H2BC9: variants seen among roughly 807,000 people sequenced by gnomAD.
The protein encoded by H2BC9 is H2B clustered histone 9, also known as histone H2B type 1-H.
In H2BC9, 11 loss-of-function variants were observed where a neutral mutation model predicts 5.8. The observed-to-expected ratio is 1.89, with a 90% confidence interval of 1.19 to 3.12. The LOEUF (loss-of-function observed/expected upper bound fraction) is 3.12, where lower values mean the gene tolerates loss of function less well. H2BC9 is among the 30% of genes most tolerant of loss of function. The pLI, the probability that H2BC9 is intolerant of heterozygous loss-of-function variation, is 0.00. For synonymous variants in H2BC9, 136 were observed against 72.2 expected (o/e 1.88, Z -4.48); for missense variants, 219 against 167.8 (o/e 1.30, Z -1.68).
In H2BC9 at chr6:26,252,072, C is replaced by G. The variant is rs1185708996; in HGVS notation, c.*41C>G. 6 of 1,609,560 alleles carry G rather than the reference C, an allele frequency of 3.7e-6. No homozygotes were observed. The Admixed American group carries it at 1.0e-4, about 28-fold the overall frequency. On this transcript the variant is annotated 3_prime_UTR_variant, in exon 1 of 1. Transcript: ENST00000619466. ...AACCCAAAGGCTCTTTTCAGAGCCA[C>G]TTAATGATTTCAATTAAGAGTTTTA...
chr6:26,252,041 T>C lies in H2BC9; in HGVS notation c.*10T>C, dbSNP rs1474823190. On this transcript the variant is annotated 3_prime_UTR_variant, in exon 1 of 1. Transcript: ENST00000619466. ...CACCAGCTCCAAATAAATGGACGCA[T>C]GTTCAAACCCAAAGGCTCTTTTCAG... is the stretch of plus-strand genomic sequence containing the variant. 4.3e-6 allele frequency: 7 copies of C among 1,614,012 alleles called. No homozygotes were observed. In the South Asian group the frequency reaches 7.7e-5, roughly 18 times the overall value.
In H2BC9 at chr6:26,251,783, G is replaced by A. The variant is rs774570728; in HGVS notation, c.133G>A (p.Val45Met). ...KESYSVYVYK[V>M]LKQVHPDTGI... is the part of the protein sequence containing the mutation. ...GAGCTACTCCGTATACGTTTACAAG[G>A]TGCTGAAGCAAGTCCACCCCGACAC... is the stretch of plus-strand genomic sequence containing the variant. The change falls in exon 1 of 1, where the codon GTG becomes ATG. Residue 45 changes from valine (V) to methionine (M), a missense_variant. Transcript: ENST00000619466. 1.9e-6 allele frequency: 3 copies of A among 1,614,216 alleles called. No individual in the cohort carries two copies. The highest frequency in any genetic ancestry group is 1.7e-6 in the Non-Finnish European group (2 of 1,180,036).
rs1561759740 is a variant in H2BC9 at position 26,251,740 on chromosome 6, T to A, written c.90T>A (p.Arg30=). Residue 30 remains arginine (R), a synonymous_variant, in exon 1 of 1, where the codon CGT becomes CGA. Coordinates refer to ENST00000619466, the MANE Select transcript of H2BC9 (RefSeq NM_003524.3). ...CGCAGAAGAAGGATGGCAAGAAGCGTAAACGCAGCCGCAAGGAGAGCTACT... is the reference window on the plus strand; with the variant it reads ...CGCAGAAGAAGGATGGCAAGAAGCGAAAACGCAGCCGCAAGGAGAGCTACT... ...TKAQKKDGKK[R]KRSRKESYSV... The A allele has an allele frequency of 6.2e-7, 1 of 1,614,198 alleles. No homozygotes were observed. The highest frequency in any genetic ancestry group is 1.1e-5 in the South Asian group (1 of 91,082).
In H2BC9 at chr6:26,251,720, A is replaced by G; in HGVS notation, c.70A>G (p.Lys24Glu). The G allele has an allele frequency of 1.9e-6, 3 of 1,614,100 alleles. No individual in the cohort carries two copies. Among genetic ancestry groups the G allele is most frequent in the Non-Finnish European group, 2.5e-6 (3 of 1,179,958 alleles). Residue 24 changes from lysine (K) to glutamate (E), a missense_variant, in exon 1 of 1, where the codon AAG becomes GAG. By Grantham distance (56) the Lys-to-Glu change is moderately conservative (BLOSUM62 1). Coordinates refer to ENST00000619466, the MANE Select transcript of H2BC9 (RefSeq NM_003524.3). Reference sequence around the variant, plus strand: ...CAAGAAGGCGGTGACCAAGGCGCAGAAGAAGGATGGCAAGAAGCGTAAACG... The same window carrying G: ...CAAGAAGGCGGTGACCAAGGCGCAGGAGAAGGATGGCAAGAAGCGTAAACG... ...GSKKAVTKAQKKDGKKRKRSR... is the reference protein window; with the variant it reads ...GSKKAVTKAQEKDGKKRKRSR...
rs1319613952 is a variant in H2BC9 at position 26,251,730 on chromosome 6, G to C, written c.80G>C (p.Gly27Ala). The change falls in exon 1 of 1, where the codon GGC (glycine) becomes GCC (alanine). Residue 27 changes from glycine (G) to alanine (A), a missense_variant. Transcript: ENST00000619466. ...GTGACCAAGGCGCAGAAGAAGGATG[G>C]CAAGAAGCGTAAACGCAGCCGCAAG... ...KAVTKAQKKD[G>A]KKRKRSRKES... 1 of 1,614,194 alleles carries C rather than the reference G, an allele frequency of 6.2e-7. No individual in the cohort carries two copies. Among genetic ancestry groups the C allele is most frequent in the African/African-American group, 1.3e-5 (1 of 75,056 alleles).
chr6:26,251,657 G>C lies in H2BC9; in HGVS notation c.7G>C (p.Asp3His), dbSNP rs1234401469. The C allele has an allele frequency of 6.2e-7, 1 of 1,614,048 alleles. No individual in the cohort carries two copies. Among genetic ancestry groups the C allele is most frequent in the South Asian group, 1.1e-5 (1 of 91,078 alleles). The change falls in exon 1 of 1, where the codon GAT becomes CAT. Residue 3 changes from aspartate to histidine, a missense_variant. Coordinates refer to ENST00000619466, the MANE Select transcript of H2BC9 (RefSeq NM_003524.3). ...ACTCCTTTATCTTGTTGCAATGCCT[G>C]ATCCAGCTAAGTCCGCTCCCGCCCC... is the stretch of plus-strand genomic sequence containing the variant. Reference protein sequence around the residue: MPDPAKSAPAPKK... With the variant: MPHPAKSAPAPKK...
rs1329404119 is a variant in H2BC9, at chr6:26,251,754, A to G, written c.104A>G (p.Lys35Arg). Residue 35 changes from lysine to arginine, a missense_variant, in exon 1 of 1, where the codon AAG becomes AGG. By Grantham distance (26) the Lys-to-Arg change is conservative (BLOSUM62 2). Transcript: ENST00000619466. ...GGCAAGAAGCGTAAACGCAGCCGCA[A>G]GGAGAGCTACTCCGTATACGTTTAC... ...KDGKKRKRSR[K>R]ESYSVYVYKV... is the part of the protein sequence containing the mutation. 3 of 1,614,120 alleles carry G rather than the reference A, an allele frequency of 1.9e-6. No homozygotes were observed. Among genetic ancestry groups the G allele is most frequent in the African/African-American group, 2.7e-5 (2 of 74,948 alleles).
rs1306879539 is a variant in H2BC9 at position 26,251,917 on chromosome 6, C to T, written c.267C>T (p.Thr89=). ...SRLAHYNKRS[T]ITSREIQTAV... ...TGGCTCATTACAACAAGCGTTCGAC[C>T]ATCACCTCCAGGGAGATCCAGACAG... The change falls in exon 1 of 1, where the codon ACC becomes ACT. Residue 89 remains threonine, a synonymous_variant. Coordinates refer to ENST00000619466, the MANE Select transcript of H2BC9 (RefSeq NM_003524.3). 1 of 1,614,088 alleles carries T rather than the reference C, an allele frequency of 6.2e-7. No homozygotes were observed. Among genetic ancestry groups the T allele is most frequent in the Non-Finnish European group, 8.5e-7 (1 of 1,180,046 alleles).
At position 26,251,983 on chromosome 6, in the gene H2BC9, C is replaced by T. The variant is rs763585323; in HGVS notation, c.333C>T (p.Ala111=). The part of the protein sequence containing the change: ...LLLPGELAKH[A]VSEGTKAVTK... The stretch of plus-strand genomic sequence containing the variant: ...TGCCTGGGGAACTGGCCAAGCACGC[C>T]GTGTCCGAGGGCACTAAGGCCGTCA... Residue 111 remains alanine, a synonymous_variant, in exon 1 of 1, where the codon GCC becomes GCT. Transcript: ENST00000619466. The T allele has an allele frequency of 2.5e-6, 4 of 1,614,216 alleles. No homozygotes were observed. The highest frequency in any genetic ancestry group is 2.2e-5 in the South Asian group (2 of 91,090).
rs1370771048 is a variant in H2BC9 at position 26,252,068 on chromosome 6, G to A, written c.*37G>A. 2.5e-6 allele frequency: 4 copies of A among 1,610,310 alleles called. No individual in the cohort carries two copies. The highest frequency in any genetic ancestry group is 3.4e-6 in the Non-Finnish European group (4 of 1,178,994). On this transcript the variant is annotated 3_prime_UTR_variant, in exon 1 of 1. Coordinates refer to ENST00000619466, the MANE Select transcript of H2BC9 (RefSeq NM_003524.3). ...TTCAAACCCAAAGGCTCTTTTCAGA[G>A]CCACTTAATGATTTCAATTAAGAGT...
Position 26,251,902 on chromosome 6 carries a change from C to A in H2BC9, c.252C>A (p.Tyr84Ter), listed in dbSNP as rs779642503. 2 of 1,614,122 alleles carry A rather than the reference C, an allele frequency of 1.2e-6. No homozygotes were observed. The highest frequency in any genetic ancestry group is 1.1e-5 in the South Asian group (1 of 91,094). ...GCGAGGCTTCCCGCCTGGCTCATTA[C>A]AACAAGCGTTCGACCATCACCTCCA... ...IAGEASRLAH[Y>*]NKRSTITSRE... Residue 84 changes from tyrosine (Y) to a stop codon, truncating the protein, a stop_gained, in exon 1 of 1, where the codon TAC becomes TAA. Coordinates refer to ENST00000619466, the MANE Select transcript of H2BC9 (RefSeq NM_003524.3). LOFTEE classifies it high-confidence loss of function.
Position 26,251,927 on chromosome 6 carries a change from A to G in H2BC9, c.277A>G (p.Arg93Gly), listed in dbSNP as rs1359780186. Residue 93 changes from arginine to glycine, a missense_variant, in exon 1 of 1, where the codon AGG becomes GGG. Transcript: ENST00000619466. ...CAACAAGCGTTCGACCATCACCTCC[A>G]GGGAGATCCAGACAGCCGTGCGCCT... The part of the protein sequence containing the change: ...HYNKRSTITS[R>G]EIQTAVRLLL... The G allele has an allele frequency of 1.9e-6, 3 of 1,614,204 alleles. No individual in the cohort carries two copies. Among genetic ancestry groups the G allele is most frequent in the Non-Finnish European group, 2.5e-6 (3 of 1,180,032 alleles).
In H2BC9 at chr6:26,251,848, T is replaced by TA. The variant is rs1466853341; in HGVS notation, c.198_199insA (p.Val67SerfsTer51). 1 of 1,614,090 alleles carries TA rather than the reference T, an allele frequency of 6.2e-7. No homozygotes were observed. The highest frequency in any genetic ancestry group is 2.2e-5 in the East Asian group (1 of 44,898). ...AAGCCATGGGGATCATGAATTCCTT[T>TA]GTCAACGATATCTTCGAGCGCATCG... On this transcript the variant is annotated frameshift_variant, in exon 1 of 1. Coordinates refer to ENST00000619466, the MANE Select transcript of H2BC9 (RefSeq NM_003524.3). LOFTEE classifies it high-confidence loss of function.
chr6:26,251,649 C>G lies in H2BC9; in HGVS notation c.-2C>G. Reference sequence around the variant, plus strand: ...GTATTCTTACTCCTTTATCTTGTTGCAATGCCTGATCCAGCTAAGTCCGCT... The same window carrying G: ...GTATTCTTACTCCTTTATCTTGTTGGAATGCCTGATCCAGCTAAGTCCGCT... On this transcript the variant is annotated 5_prime_UTR_variant, in exon 1 of 1. Coordinates refer to ENST00000619466, the MANE Select transcript of H2BC9 (RefSeq NM_003524.3). 2 of 1,614,044 alleles carry G rather than the reference C, an allele frequency of 1.2e-6. No individual in the cohort carries two copies. The highest frequency in any genetic ancestry group is 2.2e-5 in the East Asian group (1 of 44,882).
In H2BC9 at chr6:26,251,660, C is replaced by T. The variant is rs143443263; in HGVS notation, c.10C>T (p.Pro4Ser). The part of the protein sequence containing the change: MPD[P>S]AKSAPAPKKG... ...CCTTTATCTTGTTGCAATGCCTGAT[C>T]CAGCTAAGTCCGCTCCCGCCCCGAA... The change falls in exon 1 of 1, where the codon CCA becomes TCA. Residue 4 changes from proline to serine, a missense_variant. By Grantham distance (74) the Pro-to-Ser change is moderately conservative (BLOSUM62 -1). Coordinates refer to ENST00000619466, the MANE Select transcript of H2BC9 (RefSeq NM_003524.3). The T allele has an allele frequency of 3.1e-6, 5 of 1,613,946 alleles. 1 individual carries two copies. Among genetic ancestry groups the T allele is most frequent in the Non-Finnish European group, 4.2e-6 (5 of 1,180,038 alleles).
rs1219874152 is a variant in H2BC9 at position 26,251,767 on chromosome 6, C to T, written c.117C>T (p.Ser39=). 5 of 1,614,100 alleles carry T rather than the reference C, an allele frequency of 3.1e-6. No individual in the cohort carries two copies. Among genetic ancestry groups the T allele is most frequent in the East Asian group, 2.2e-5 (1 of 44,898 alleles). The change falls in exon 1 of 1, where the codon TCC becomes TCT. Residue 39 remains serine, a synonymous_variant. Transcript: ENST00000619466. The part of the protein sequence containing the change: ...KRKRSRKESY[S]VYVYKVLKQV... ...AACGCAGCCGCAAGGAGAGCTACTC[C>T]GTATACGTTTACAAGGTGCTGAAGC...
In H2BC9 at chr6:26,252,019, C is replaced by T. The variant is rs777633634; in HGVS notation, c.369C>T (p.Thr123=). ...GCACTAAGGCCGTCACCAAGTACAC[C>T]AGCTCCAAATAAATGGACGCATGTT... ...SEGTKAVTKY[T]SSK is the part of the protein sequence containing the mutation. Residue 123 remains threonine (T), a synonymous_variant, in exon 1 of 1, where the codon ACC becomes ACT. Transcript: ENST00000619466. The T allele has an allele frequency of 1.2e-6, 2 of 1,614,234 alleles. No individual in the cohort carries two copies.
At position 26,251,632 on chromosome 6, in the gene H2BC9, A is replaced by C. The variant is rs1420612175; in HGVS notation, c.-19A>C. 4 of 1,613,184 alleles carry C rather than the reference A, an allele frequency of 2.5e-6. No homozygotes were observed. The highest frequency in any genetic ancestry group is 2.5e-6 in the Non-Finnish European group (3 of 1,179,820). On this transcript the variant is annotated 5_prime_UTR_variant, in exon 1 of 1. Transcript: ENST00000619466. ...AGCCTTCACTTTGGGGTGTATTCTT[A>C]CTCCTTTATCTTGTTGCAATGCCTG...
At position 26,251,829 on chromosome 6, in the gene H2BC9, T is replaced by C. The variant is rs767223114; in HGVS notation, c.179T>C (p.Met60Thr). Residue 60 changes from methionine (M) to threonine (T), a missense_variant, in exon 1 of 1, where the codon ATG becomes ACG. Met to Thr is a moderately conservative substitution (Grantham distance 81, BLOSUM62 -1). Transcript: ENST00000619466. ...HPDTGISSKAMGIMNSFVNDI... is the reference protein window; with the variant it reads ...HPDTGISSKATGIMNSFVNDI... ...GACACCGGCATCTCCTCCAAAGCCA[T>C]GGGGATCATGAATTCCTTTGTCAAC... The C allele has an allele frequency of 2.0e-5, 33 of 1,614,060 alleles. No homozygotes were observed. The highest frequency in any genetic ancestry group is 3.3e-5 in the South Asian group (3 of 91,094).
Sources: gnomAD v4.1 joint callset for allele counts on GRCh38, gnomAD v4.1.1 for gene constraint, MANE v1.5 for transcripts, NCBI Gene and HGNC (gene_info 2026-07-23, HGNC 2026-07-21) for gene names.